Variants in MACROD2 observed in about 807,000 individuals in gnomAD.
MACROD2 encodes the protein mono-ADP ribosylhydrolase 2.
A neutral mutation model predicts 70.4 loss-of-function variants in MACROD2; 36 were observed. The ratio of observed to expected loss-of-function variants is 0.51; its 90% confidence interval spans 0.39 to 0.68. The LOEUF (loss-of-function observed/expected upper bound fraction) is 0.68. MACROD2 is among the 30% of genes least tolerant of loss of function. MACROD2 has a pLI of 0.00. For synonymous variants in MACROD2, 172 were observed against 178.8 expected, an observed-to-expected ratio of 0.96 and a Z score of 0.30; for missense variants, 496 against 538.4, an observed-to-expected ratio of 0.92 and a Z score of 0.78.
At chr20:15,530,096 A>G (rs1383517533) in intron 8 of MACROD2, among the ~76,000 whole-genome samples, 1 of 152,206 alleles carries the variant, frequency 6.6e-6, no homozygotes, top group Non-Finnish European at 1.5e-5. Context: ...AATTAGGCCT[A>G]AAAAGTTTTA....
chr20:14,035,642 C>T (rs928984526), intron 2 of MACROD2, among the ~76,000 whole-genome samples: 11 of 152,080 alleles, frequency 7.2e-5, no homozygotes, highest in Admixed American at 2.6e-4. Context: ...CTTCTGAGTT[C>T]GTGGAAAATT....
intron 4 of MACROD2, among the ~76,000 whole-genome samples, chr20:14,599,750 C>T (rs145630909): frequency 0.015 from 2,242 of 152,158 alleles, 60 homozygotes; most frequent in African/African-American, 0.051. Flanking sequence ...ATAGGGCAGA[C>T]AGTGACAGAA....
intron 5 of MACROD2, among the ~76,000 whole-genome samples, chr20:14,762,143 G>A (rs940522568): frequency 2.0e-5 from 3 of 152,072 alleles, no homozygotes; most frequent in African/African-American, 7.3e-5. Context: ...TATTAACTCT[G>A]CAAGGTATCC....
chr20:14,867,647 G>T (rs182668325), intron 5 of MACROD2, among the ~76,000 whole-genome samples: 2 of 152,092 alleles, frequency 1.3e-5, no homozygotes, highest in Admixed American at 1.3e-4. Context: ...TACTTCCAGC[G>T]GTAATTACAT....
chr20:15,014,649 A>G (rs1056726625), intron 5 of MACROD2, among the ~76,000 whole-genome samples: 1 of 152,114 alleles, frequency 6.6e-6, no homozygotes, highest in Non-Finnish European at 1.5e-5. Flanking sequence ...TAAAATAAAC[A>G]GGCATTCTTC....
At chr20:15,457,867 C>T (rs367988258) in intron 7 of MACROD2, among the ~76,000 whole-genome samples, 7 of 151,174 alleles carry the variant, frequency 4.6e-5, no homozygotes, top group African/African-American at 9.7e-5. Flanking sequence ...ATTTCATCTC[C>T]GTGAACTGTG....
At chr20:14,009,310 G>A (rs1325247472) in intron 2 of MACROD2, among the ~76,000 whole-genome samples, 2 of 151,930 alleles carry the variant, frequency 1.3e-5, no homozygotes, top group African/African-American at 4.8e-5. Context: ...ACATGAACAG[G>A]CACTTCTCAA....
At chr20:14,914,582 G>A (rs1351523440) in intron 5 of MACROD2, among the ~76,000 whole-genome samples, 1 of 152,140 alleles carries the variant, frequency 6.6e-6, no homozygotes, top group African/African-American at 2.4e-5. Flanking sequence ...AACCATAAAA[G>A]AGCAGTTAGG....
intron 5 of MACROD2, among the ~76,000 whole-genome samples, chr20:14,993,374 T>TG (rs2074922639): frequency 6.6e-6 from 1 of 152,060 alleles, no homozygotes; most frequent in Non-Finnish European, 1.5e-5. Flanking sequence ...GATAAAGTTT[T>TG]GGGGTAAACT....
intron 3 of MACROD2, among the ~76,000 whole-genome samples, chr20:14,491,380 A>G (rs1014479390): frequency 6.6e-6 from 1 of 152,240 alleles, no homozygotes; most frequent in Non-Finnish European, 1.5e-5. Flanking sequence ...GTTTTTGAAT[A>G]TGATCAAACA....
chr20:15,933,574 G>A (rs1268106979), intron 11 of MACROD2, among the ~76,000 whole-genome samples: 2 of 152,190 alleles, frequency 1.3e-5, no homozygotes, highest in Admixed American at 1.3e-4. Context: ...CCCTGTAACA[G>A]TTTGCCTGGC....
At chr20:15,051,469 G>C (rs569007769) in intron 5 of MACROD2, among the ~76,000 whole-genome samples, 1 of 151,446 alleles carries the variant, frequency 6.6e-6, no homozygotes, top group East Asian at 1.9e-4. Context: ...AGGGCAGGCA[G>C]GACAGCGGGA....
chr20:14,459,224 G>A (rs1225134430), intron 3 of MACROD2, among the ~76,000 whole-genome samples: 1 of 151,816 alleles, frequency 6.6e-6, no homozygotes, highest in African/African-American at 2.4e-5. Context: ...TTACTTAGGG[G>A]CTCAAGCAGA....
At chr20:14,645,864 A>C (rs1428422677) in intron 4 of MACROD2, among the ~76,000 whole-genome samples, 2 of 152,046 alleles carry the variant, frequency 1.3e-5, no homozygotes, top group Admixed American at 6.6e-5. Flanking sequence ...AATTCAAGGC[A>C]GATAAAAAAC....
intron 8 of MACROD2, among the ~76,000 whole-genome samples, chr20:15,805,558 C>T (rs2063761793): frequency 6.6e-6 from 1 of 151,764 alleles, no homozygotes; most frequent in African/African-American, 2.4e-5. Context: ...CTCACCACAA[C>T]CTCCGCCTCC....
At chr20:15,114,539 C>A (rs1374695802) in intron 5 of MACROD2, among the ~76,000 whole-genome samples, 2 of 152,080 alleles carry the variant, frequency 1.3e-5, no homozygotes, top group African/African-American at 4.8e-5. Flanking sequence ...TATTGACAGT[C>A]ATGTGAGCCT....
intron 5 of MACROD2, among the ~76,000 whole-genome samples, chr20:15,127,836 G>A (rs953334886): frequency 6.6e-6 from 1 of 152,068 alleles, no homozygotes; most frequent in Non-Finnish European, 1.5e-5. Context: ...AAACTACATA[G>A]AGGTGTGAAT....
intron 5 of MACROD2, among the ~76,000 whole-genome samples, chr20:15,004,076 C>T (rs1351162507): frequency 6.6e-6 from 1 of 152,110 alleles, no homozygotes; most frequent in Non-Finnish European, 1.5e-5. Flanking sequence ...CACCCCTTCC[C>T]TCAAACTGCC....
At position 15,100,676 on chromosome 20, in the gene MACROD2, A is replaced by G. The variant is rs556347768; in HGVS notation, c.419-129264A>G. Among the ~76,000 whole-genome samples the G allele has an allele frequency of 3.9e-5, 6 of 152,304 alleles. No individual in the cohort carries two copies. The South Asian group carries it at 1.2e-3, about 32-fold the overall frequency. ...GGTTTTTTTGTGCCTTTGTAGTTGG[A>G]TAAGCATTAGAAGTATTAAAGCCTA... On this transcript the variant is annotated intron_variant, in intron 5 of 17. Transcript: ENST00000684519.
Sources: allele counts gnomAD v4.1 joint callset (sites outside exome capture counted in the v4.1 genomes callset), GRCh38; gene constraint gnomAD v4.1.1; transcripts MANE v1.5; gene names NCBI Gene and HGNC (gene_info 2026-07-23, HGNC 2026-07-21).